Variants in EYS observed in about 807,000 individuals in gnomAD.
EYS encodes EGF-like photoreceptor maintenance factor.
EYS carries 250 observed loss-of-function variants against 282.1 expected under a neutral mutation model. The observed-to-expected ratio is 0.89, with a 90% CI of 0.80 to 0.98. The LOEUF (loss-of-function observed/expected upper bound fraction) is 0.98, where lower values mean the gene tolerates loss of function less well. EYS is among the 50% of genes least tolerant of loss of function. EYS has a pLI of 0.00. For synonymous variants in EYS, 1,355 were observed against 1,282.9 expected, an observed-to-expected ratio of 1.06 and a Z score of -1.20; for missense variants, 4,016 against 3,709.0, an observed-to-expected ratio of 1.08 and a Z score of -2.15.
In EYS at chr6:65,405,271, C is replaced by T; in HGVS notation, c.959G>A (p.Cys320Tyr). The T allele has an allele frequency of 1.2e-6, 2 of 1,612,848 alleles. No individual in the cohort carries two copies. Among genetic ancestry groups the T allele is most frequent in the South Asian group, 1.1e-5 (1 of 91,044 alleles). Residue 320 changes from cysteine (C) to tyrosine (Y), a missense_variant, in exon 6 of 43, where the codon TGC becomes TAC. By Grantham distance (194) the Cys-to-Tyr change is radical. Coordinates refer to ENST00000503581, the MANE Select transcript of EYS (RefSeq NM_001142800.2). Reference sequence around the variant, plus strand: ...ATTTTGGCTGGAAGATCCTTTTGGGCATTCATAAGTATAAGCAGAACTGCT... The same window carrying T: ...ATTTTGGCTGGAAGATCCTTTTGGGTATTCATAAGTATAAGCAGAACTGCT... ...PNSSSAYTYE[C>Y]PKGSSSQNGE...
At chr6:65,115,605 T>C (rs1226945802) in intron 12 of EYS, among the ~76,000 whole-genome samples, 4 of 152,120 alleles carry the variant, frequency 2.6e-5, no homozygotes, top group Non-Finnish European at 4.4e-5. Flanking sequence ...AAGCCATGCC[T>C]TAAGATAATA....
At chr6:64,256,195 C>A (rs1035779454) in intron 30 of EYS, among the ~76,000 whole-genome samples, 12 of 151,910 alleles carry the variant, frequency 7.9e-5, no homozygotes, top group Admixed American at 5.3e-4. Flanking sequence ...TAAGTTTTTA[C>A]AAATAGATTC....
chr6:64,754,697 G>A (rs1772876510), intron 22 of EYS, among the ~76,000 whole-genome samples: 1 of 152,052 alleles, frequency 6.6e-6, no homozygotes, highest in Non-Finnish European at 1.5e-5. Flanking sequence ...AATAATAAAT[G>A]TGATTCACTA....
Position 64,412,234 on chromosome 6 carries a change from C to A in EYS, c.5928-23394G>T, listed in dbSNP as rs575410787. Among the ~76,000 whole-genome samples, 325 of 151,846 alleles carry A rather than the reference C, an allele frequency of 2.1e-3. 1 individual carries two copies. Among genetic ancestry groups the A allele is most frequent in the Admixed American group, 5.0e-3 (76 of 15,244 alleles). On this transcript the variant is annotated intron_variant, in intron 28 of 42. Transcript: ENST00000503581. Reference sequence around the variant, plus strand: ...TATTTTATATTTGTTTTATATTTTGCAATCAATAATATTTTGGTAAATTTT... The same window carrying A: ...TATTTTATATTTGTTTTATATTTTGAAATCAATAATATTTTGGTAAATTTT...
chr6:65,181,061 A>G (rs1458578995), intron 12 of EYS, among the ~76,000 whole-genome samples: 1 of 152,158 alleles, frequency 6.6e-6, no homozygotes, highest in Non-Finnish European at 1.5e-5. Context: ...TTAATTCAAG[A>G]TGTATTAGAG....
intron 2 of EYS, among the ~76,000 whole-genome samples, chr6:65,546,343 G>A (rs935935493): frequency 6.7e-6 from 1 of 149,018 alleles, no homozygotes; most frequent in South Asian, 2.1e-4. Context: ...TTAATTCTAG[G>A]TTTTATATCT....
At chr6:64,593,077 C>A in intron 25 of EYS, 40 bp downstream of exon 25, 1 of 1,401,178 alleles carries the variant, frequency 7.1e-7, no homozygotes, top group South Asian at 1.6e-5. Context: ...ACAACTTTTT[C>A]AAACTCAAAC....
At chr6:64,499,281 TCTCCAAACA>T (rs1488686114) in intron 26 of EYS, among the ~76,000 whole-genome samples, 1 of 152,154 alleles carries the variant, frequency 6.6e-6, no homozygotes, top group African/African-American at 2.4e-5. Context: ...CCAAATCTGC[TCTCCAAACA>T]CGGAGACTGT....
intron 41 of EYS, chr6:63,742,007 T>G: frequency 1.4e-6 from 1 of 701,380 alleles, no homozygotes; most frequent in East Asian, 2.7e-5. Context: ...CTTTTTTGTC[T>G]GCTGCTATTT....
chr6:64,160,795 T>C (rs1377491574), intron 31 of EYS, among the ~76,000 whole-genome samples: 2 of 152,224 alleles, frequency 1.3e-5, no homozygotes, highest in Non-Finnish European at 2.9e-5. Flanking sequence ...GCCTATGTAC[T>C]GGTTGATGAA....
chr6:65,514,904 C>T (rs1207505792), intron 2 of EYS, among the ~76,000 whole-genome samples: 1 of 152,054 alleles, frequency 6.6e-6, no homozygotes, highest in African/African-American at 2.4e-5. Context: ...TCTAAAACAC[C>T]AAAAGCAATG....
chr6:64,765,762 C>A (rs1368769651), intron 22 of EYS, among the ~76,000 whole-genome samples: 2 of 152,048 alleles, frequency 1.3e-5, no homozygotes, highest in East Asian at 3.9e-4. Context: ...CTCATGAGAT[C>A]TCACTATCAT....
intron 15 of EYS, among the ~76,000 whole-genome samples, chr6:64,932,098 A>C (rs1768745030): frequency 6.6e-6 from 1 of 152,104 alleles, no homozygotes. Context: ...ATTCAAGAAA[A>C]ATGATTGAAT....
In EYS at chr6:64,342,818, G is replaced by A. The variant is rs540251921; in HGVS notation, c.6079-35736C>T. Among the ~76,000 whole-genome samples, 41 of 152,084 alleles carry A rather than the reference G, an allele frequency of 2.7e-4. 1 individual carries two copies. Among genetic ancestry groups the A allele is most frequent in the Middle Eastern group, 6.8e-3 (2 of 294 alleles). ...GCTGTATTCAGGAAACCCATCTCAC[G>A]TGCAGAGACACACATAGACTCAAAA... On this transcript the variant is annotated intron_variant, in intron 29 of 42. Coordinates refer to ENST00000503581, the MANE Select transcript of EYS (RefSeq NM_001142800.2).
At chr6:65,312,486 A>C (rs1369967942) in intron 11 of EYS, among the ~76,000 whole-genome samples, 1 of 152,146 alleles carries the variant, frequency 6.6e-6, no homozygotes, top group Non-Finnish European at 1.5e-5. Context: ...AAATACAAAA[A>C]AAAGAGACCT....
chr6:63,989,880 CA>C (rs1562136042), intron 34 of EYS, among the ~76,000 whole-genome samples: 1 of 151,398 alleles, frequency 6.6e-6, no homozygotes, highest in African/African-American at 2.4e-5. Context: ...GTAGCTCACA[CA>C]AGGTTATTTC....
chr6:64,442,884 C>T (rs1167475710), intron 26 of EYS, among the ~76,000 whole-genome samples: 1 of 80,278 alleles, frequency 1.2e-5, no homozygotes, highest in Non-Finnish European at 2.9e-5. Flanking sequence ...AGAACTTCTG[C>T]CACGGCAGTG....
chr6:65,038,580 C>T (rs1044683761), intron 13 of EYS, among the ~76,000 whole-genome samples: 1 of 151,310 alleles, frequency 6.6e-6, no homozygotes, highest in Non-Finnish European at 1.5e-5. Context: ...ATTTTCATTT[C>T]ACTTGTTTAT....
At chr6:64,855,295 C>T (rs945010946) in intron 19 of EYS, among the ~76,000 whole-genome samples, 15 of 151,836 alleles carry the variant, frequency 9.9e-5, no homozygotes, top group African/African-American at 3.4e-4. Flanking sequence ...TTTCTTCTTC[C>T]TTGTTTTCTA....
Sources: gnomAD v4.1 joint callset for allele counts (sites outside exome capture counted in the v4.1 genomes callset) on GRCh38, gnomAD v4.1.1 for gene constraint, MANE v1.5 for transcripts, NCBI Gene and HGNC (gene_info 2026-07-23, HGNC 2026-07-21) for gene names.